The following MCC variants were observed in gnomAD, a reference collection of about 807,000 sequenced individuals.
MCC encodes colorectal mutant cancer protein.
In MCC, 90 loss-of-function variants were observed where a neutral mutation model predicts 116.2. The ratio of observed to expected loss-of-function variants is 0.77; its 90% CI spans 0.65 to 0.92. The LOEUF is 0.92. MCC is among the 40% of genes least tolerant of loss of function. The pLI is 0.00. For missense variants in MCC, 1,516 were observed against 1,312.2 expected (o/e 1.16, Z -2.40); for synonymous variants, 578 against 510.5 (o/e 1.13, Z -1.78).
At chr5:113,133,401 GC>G (rs1758589380) in intron 5 of MCC, among the ~76,000 whole-genome samples, 1 of 151,818 alleles carries the variant, frequency 6.6e-6, no homozygotes, top group Non-Finnish European at 1.5e-5. Flanking sequence ...GTCTTTTTGT[GC>G]TTTCTGGCTT....
intron 3 of MCC, among the ~76,000 whole-genome samples, chr5:113,210,397 T>G (rs1169366986): frequency 1.4e-5 from 1 of 73,580 alleles, no homozygotes; most frequent in African/African-American, 4.9e-5. Context: ...TTAAACCTTC[T>G]GTTTTAGTCT....
In MCC at chr5:113,112,098, T is replaced by C. The variant is rs957310824; in HGVS notation, c.1028-7743A>G. 5.9e-5 allele frequency among the ~76,000 whole-genome samples: 9 copies of C among 151,786 alleles called. 1 individual carries two copies. Among genetic ancestry groups the C allele is most frequent in the African/African-American group, 1.9e-4 (8 of 41,052 alleles). ...GATTCCAACCAAGCAGTCCCCTCTT[T>C]ACCAGAATGACTTTGCTCCAAAGTA... On this transcript the variant is annotated intron_variant, in intron 6 of 18. Coordinates refer to ENST00000408903, the MANE Select transcript of MCC (RefSeq NM_001085377.2).
chr5:113,072,934 C>T (rs1754140320), intron 11 of MCC, among the ~76,000 whole-genome samples: 1 of 152,164 alleles, frequency 6.6e-6, no homozygotes, highest in South Asian at 2.1e-4. Context: ...CCCTGAACCT[C>T]ATCCTCCCTT....
chr5:113,235,085 T>C lies in MCC; in HGVS notation c.628-83663A>G, dbSNP rs1466800437. 3.9e-5 allele frequency among the ~76,000 whole-genome samples: 6 copies of C among 152,344 alleles called. No homozygotes were observed. In the East Asian group the frequency reaches 5.8e-4, roughly 15 times the overall value. On this transcript the variant is annotated intron_variant, in intron 3 of 18. Coordinates refer to ENST00000408903, the MANE Select transcript of MCC (RefSeq NM_001085377.2). Reference sequence around the variant, plus strand: ...CTGTGCCCAGCAGATTTTCTGGAATTGTTTGAGTGAGCTGATTCTGTTCCT... The same window carrying C: ...CTGTGCCCAGCAGATTTTCTGGAATCGTTTGAGTGAGCTGATTCTGTTCCT...
intron 2 of MCC, among the ~76,000 whole-genome samples, chr5:113,363,603 C>A (rs1422217439): frequency 2.0e-5 from 3 of 152,182 alleles, no homozygotes; most frequent in Admixed American, 2.0e-4. Flanking sequence ...ATGATCCAGT[C>A]ATCTCCCACC....
Position 113,068,005 on chromosome 5 carries a change from C to T in MCC, c.2029+75G>A, listed in dbSNP as rs1375136673. The stretch of plus-strand genomic sequence containing the variant: ...GTGTTGTCGGGAGATGATTCAATGC[C>T]AGTTGCTGAGACAGGGGCAGAAGCA... On this transcript the variant is annotated intron_variant, in intron 13 of 18. Transcript: ENST00000408903. 1.2e-5 allele frequency: 15 copies of T among 1,275,608 alleles called. No individual in the cohort carries two copies. In the South Asian group the frequency reaches 1.6e-4, roughly 13 times the overall value. 79.0% of individuals were successfully genotyped at this position (1,275,608 alleles called of 1,614,324 possible).
chr5:113,151,095 G>A (rs1759837820), intron 4 of MCC, among the ~76,000 whole-genome samples: 1 of 152,124 alleles, frequency 6.6e-6, no homozygotes, highest in Non-Finnish European at 1.5e-5. Context: ...TAGGCACCTT[G>A]GACTTCGTAG....
chr5:113,193,105 T>G lies in MCC; in HGVS notation c.628-41683A>C, dbSNP rs114661710. Among the ~76,000 whole-genome samples the G allele has an allele frequency of 2.2e-4, 33 of 152,302 alleles. No homozygotes were observed. In the East Asian group the frequency reaches 6.2e-3, roughly 28 times the overall value. Reference sequence around the variant, plus strand: ...TTCCTTGGCTCGTGGCCCCTTCATATTCAAGGCCAGCAGCACAGAATCTTC... The same window carrying G: ...TTCCTTGGCTCGTGGCCCCTTCATAGTCAAGGCCAGCAGCACAGAATCTTC... On this transcript the variant is annotated intron_variant, in intron 3 of 18. Coordinates refer to ENST00000408903, the MANE Select transcript of MCC (RefSeq NM_001085377.2).
At position 113,071,246 on chromosome 5, in the gene MCC, C is replaced by T. The variant is rs753328060; in HGVS notation, c.1785-12G>A. 1 of 1,611,154 alleles carries T rather than the reference C, an allele frequency of 6.2e-7. No homozygotes were observed. The highest frequency in any genetic ancestry group is 8.5e-7 in the Non-Finnish European group (1 of 1,178,782). On this transcript the variant is annotated splice_polypyrimidine_tract_variant and intron_variant, in intron 11 of 18. Transcript: ENST00000408903. ...GGTGCTCAATCCGGCTACAAAGGAA[C>T]AAAAATCAGATTCACACTAGGGTTA...
At chr5:113,367,666 G>C (rs1439522895) in intron 2 of MCC, among the ~76,000 whole-genome samples, 3 of 150,086 alleles carry the variant, frequency 2.0e-5, no homozygotes, top group Non-Finnish European at 4.4e-5. Flanking sequence ...GAGAGAGAGA[G>C]AGCGAGAGAG....
At chr5:113,034,871 A>G (rs758160948) in intron 17 of MCC, among the ~76,000 whole-genome samples, 36 of 152,280 alleles carry the variant, frequency 2.4e-4, no homozygotes, top group Admixed American at 5.2e-4. Flanking sequence ...AGGCCTCCAG[A>G]GCCTGATTTC....
intron 8 of MCC, among the ~76,000 whole-genome samples, chr5:113,094,776 A>C (rs191784975): frequency 1.5e-3 from 227 of 152,318 alleles, no homozygotes; most frequent in Non-Finnish European, 2.2e-3. Flanking sequence ...CTTTCATGAC[A>C]GCCAAGAGCT....
At chr5:113,428,603 T>G (rs780002031) in intron 1 of MCC, 26 of 152,244 alleles carry the variant, frequency 1.7e-4, no homozygotes, top group Non-Finnish European at 3.4e-4. Context: ...CTCCTGTAAG[T>G]CTGTCACAGT....
intron 3 of MCC, among the ~76,000 whole-genome samples, chr5:113,247,341 C>A (rs1016022609): frequency 2.0e-4 from 31 of 151,994 alleles, no homozygotes; most frequent in Admixed American, 5.2e-4. Context: ...ACTATAGCAC[C>A]CCCAGCACAC....
chr5:113,125,190 T>A (rs1296390015), intron 5 of MCC, among the ~76,000 whole-genome samples: 2 of 152,146 alleles, frequency 1.3e-5, no homozygotes, highest in African/African-American at 4.8e-5. Context: ...TAATCAGGGT[T>A]AGATGGAAGA....
intron 3 of MCC, among the ~76,000 whole-genome samples, chr5:113,297,771 A>C (rs915859613): frequency 2.7e-5 from 4 of 150,342 alleles, no homozygotes; most frequent in Admixed American, 1.3e-4. Context: ...AAAAAAAAAA[A>C]AAAGAAGGGA....
At chr5:113,353,020 G>A (rs189617412) in intron 2 of MCC, among the ~76,000 whole-genome samples, 31 of 152,206 alleles carry the variant, frequency 2.0e-4, no homozygotes, top group Non-Finnish European at 4.4e-4. Context: ...TTCCCCACAG[G>A]GTTATGGCTC....
chr5:113,130,754 C>G (rs944024183), intron 5 of MCC, among the ~76,000 whole-genome samples: 2 of 152,176 alleles, frequency 1.3e-5, no homozygotes, highest in Non-Finnish European at 2.9e-5. Context: ...GCCGGCTCCC[C>G]TTCCCCTTCT....
At chr5:113,170,791 CAT>C (rs1382866422) in intron 3 of MCC, among the ~76,000 whole-genome samples, 2 of 152,092 alleles carry the variant, frequency 1.3e-5, no homozygotes, top group Admixed American at 6.5e-5. Flanking sequence ...GCAAGCAACT[CAT>C]ATGTTTTGCT....
Sources: allele counts gnomAD v4.1 joint callset (sites outside exome capture counted in the v4.1 genomes callset), GRCh38; gene constraint gnomAD v4.1.1; transcripts MANE v1.5; gene names NCBI Gene and HGNC (gene_info 2026-07-23, HGNC 2026-07-21).